The following TMOD4 variants were observed in gnomAD, a reference collection of about 807,000 sequenced individuals.
The protein encoded by TMOD4 is tropomodulin-4.
In TMOD4, 34 loss-of-function variants were observed where a neutral mutation model predicts 45.4. That is an observed-to-expected ratio of 0.75 (90% confidence interval 0.57 to 1.00). TMOD4 has a LOEUF of 1.00. Among genes scored for constraint, TMOD4 ranks in the 50% least tolerant of loss-of-function variants. The pLI, the probability that TMOD4 is intolerant of heterozygous loss-of-function variation, is 0.00. For missense variants in TMOD4, 399 were observed against 437.5 expected, an observed-to-expected ratio of 0.91 and a Z score of 0.78; for synonymous variants, 131 against 153.9, an observed-to-expected ratio of 0.85 and a Z score of 1.10.
intron 3 of TMOD4, 67 bp downstream of exon 3, chr1:151,174,324 T>G: frequency 6.5e-7 from 1 of 1,546,248 alleles, no homozygotes; most frequent in Non-Finnish European, 8.8e-7. Context: ...GAAACTGGAG[T>G]GGGGACGAGT....
At chr1:151,172,471 C>A in intron 4 of TMOD4, 114 bp from the exon 5 acceptor site, 1 of 801,778 alleles carries the variant, frequency 1.2e-6, no homozygotes, top group Non-Finnish European at 2.0e-6. Flanking sequence ...TTACACTTTG[C>A]CAAAGAAGTT....
chr1:151,174,472 C>G lies in TMOD4; in HGVS notation c.199G>C (p.Ala67Pro). The part of the protein sequence containing the change: ...KSPTGPLDRE[A>P]LLQYLEQQAL... ...TGTTGCTCCAAGTACTGCAAAAGGG[C>G]CTCTCGGTCCAGTGGCCCCGTTGGG... Residue 67 changes from alanine (A) to proline (P), a missense_variant, in exon 3 of 10, where the codon GCC becomes CCC. Physicochemically the swap from Ala to Pro is conservative, Grantham distance 27. Coordinates refer to ENST00000295314, the MANE Select transcript of TMOD4 (RefSeq NM_013353.3). The G allele has an allele frequency of 6.2e-7, 1 of 1,614,202 alleles. No homozygotes were observed. The highest frequency in any genetic ancestry group is 8.5e-7 in the Non-Finnish European group (1 of 1,180,034).
rs1264998991 is a variant in TMOD4 at position 151,171,703 on chromosome 1, A to G, written c.548T>C (p.Ile183Thr). The G allele has an allele frequency of 6.2e-7, 1 of 1,613,796 alleles. No individual in the cohort carries two copies. Among genetic ancestry groups the G allele is most frequent in the Non-Finnish European group, 8.5e-7 (1 of 1,179,960 alleles). The stretch of plus-strand genomic sequence containing the variant: ...TCGGACCCTCTTTAGTATCTCCTCA[A>G]TGTTTGTGGGATTTGGGGGTTCATC... ...VPDEPPNPTNIEEILKRVRSN... is the reference protein window; with the variant it reads ...VPDEPPNPTNTEEILKRVRSN... Residue 183 changes from isoleucine to threonine, a missense_variant, in exon 6 of 10, where the codon ATT (isoleucine) becomes ACT (threonine). Physicochemically the swap from Ile to Thr is moderately conservative, Grantham distance 89. Transcript: ENST00000295314.
In TMOD4 at chr1:151,170,560, C is replaced by T. The variant is rs138628373; in HGVS notation, c.974G>A (p.Arg325Gln). 2.7e-5 allele frequency: 44 copies of T among 1,614,208 alleles called. No individual in the cohort carries two copies. Among genetic ancestry groups the T allele is most frequent in the African/African-American group, 1.2e-4 (9 of 75,058 alleles). The change falls in exon 9 of 10, where the codon CGA becomes CAA. Residue 325 changes from arginine to glutamine, a missense_variant. Coordinates refer to ENST00000295314, the MANE Select transcript of TMOD4 (RefSeq NM_013353.3). The stretch of plus-strand genomic sequence containing the variant: ...GGTCATGGCCTGGGCTGCCCGAGCT[C>T]GTGGCCCCTGCTGTGTAAAGTGGTA... The part of the protein sequence containing the change: ...FGYHFTQQGP[R>Q]ARAAQAMTRN...
chr1:151,170,723 A>G, intron 8 of TMOD4, 60 bp from the exon 9 acceptor site: 1 of 1,600,418 alleles, frequency 6.2e-7, no homozygotes, highest in Middle Eastern at 1.7e-4. Context: ...ACCATCCCAC[A>G]TCACAGACCC....
chr1:151,173,832 A>C (rs1411680411), intron 3 of TMOD4, among the ~76,000 whole-genome samples: 1 of 152,210 alleles, frequency 6.6e-6, no homozygotes, highest in Non-Finnish European at 1.5e-5. Flanking sequence ...TAATCCCAGC[A>C]CTTGGGGAGG....
chr1:151,172,560 A>G (rs1220707626), intron 4 of TMOD4, among the ~76,000 whole-genome samples: 1 of 152,164 alleles, frequency 6.6e-6, no homozygotes, highest in Non-Finnish European at 1.5e-5. Flanking sequence ...AGAAAGGGCT[A>G]AGGGAAGGTC....
chr1:151,170,418 G>T lies in TMOD4; in HGVS notation c.1015+101C>A, dbSNP rs1470831500. 7 of 1,529,652 alleles carry T rather than the reference G, an allele frequency of 4.6e-6. No individual in the cohort carries two copies. The South Asian group carries it at 6.1e-5, about 13-fold the overall frequency. The allele number at this position is 1,529,652 out of a possible 1,614,324, so 94.8% of individuals were successfully genotyped here. ...AAATTCTCATATGAATAGCTCTTTG[G>T]TAGCACCCTGGGCTGTTAGTCATTA... On this transcript the variant is annotated intron_variant, in intron 9 of 9. Coordinates refer to ENST00000295314, the MANE Select transcript of TMOD4 (RefSeq NM_013353.3).
rs587759990 is a variant in TMOD4, at chr1:151,170,502, T to C, written c.1015+17A>G. The C allele has an allele frequency of 4.1e-5, 66 of 1,614,082 alleles. 1 individual carries two copies. The East Asian group carries it at 5.6e-4, about 14-fold the overall frequency. On this transcript the variant is annotated intron_variant, in intron 9 of 9. Coordinates refer to ENST00000295314, the MANE Select transcript of TMOD4 (RefSeq NM_013353.3). Reference sequence around the variant, plus strand: ...ACTTCCCTGACCACTCCACACATCATGTCTGCAGTTACTCACGTAGTTCAT... The same window carrying C: ...ACTTCCCTGACCACTCCACACATCACGTCTGCAGTTACTCACGTAGTTCAT...
chr1:151,170,410 G>T (rs1043493127), intron 9 of TMOD4, 109 bp downstream of exon 9: 2 of 1,495,850 alleles, frequency 1.3e-6, no homozygotes, highest in Non-Finnish European at 1.8e-6. Context: ...CATATGAATA[G>T]CTCTTTGGTA....
At chr1:151,173,338 A>C (rs776830962) in intron 4 of TMOD4, among the ~76,000 whole-genome samples, 161 bp downstream of exon 4, 1 of 152,220 alleles carries the variant, frequency 6.6e-6, no homozygotes, top group South Asian at 2.1e-4. Flanking sequence ...AAATTTAAAA[A>C]TGAATAAATA....
chr1:151,171,036 G>C lies in TMOD4; in HGVS notation c.754C>G (p.Arg252Gly). The C allele has an allele frequency of 6.2e-7, 1 of 1,614,132 alleles. No individual in the cohort carries two copies. The highest frequency in any genetic ancestry group is 8.5e-7 in the Non-Finnish European group (1 of 1,180,030). The stretch of plus-strand genomic sequence containing the variant: ...TCGATGTTTAGGCTCTGGAGGCTAC[G>C]ATTCTCACGCAACATGTCAGCCACT... Reference protein sequence around the residue: ...NAVADMLRENRSLQSLNIESN... With the variant: ...NAVADMLRENGSLQSLNIESN... The change falls in exon 8 of 10, where the codon CGT becomes GGT. Residue 252 changes from arginine to glycine, a missense_variant. Coordinates refer to ENST00000295314, the MANE Select transcript of TMOD4 (RefSeq NM_013353.3).
rs754831862 is a variant in TMOD4, at chr1:151,174,878, T to C, written c.-3A>G. On this transcript the variant is annotated 5_prime_UTR_variant, in exon 2 of 10. Coordinates refer to ENST00000295314, the MANE Select transcript of TMOD4 (RefSeq NM_013353.3). The stretch of plus-strand genomic sequence containing the variant: ...AGTTCCTTCTGATATGATGACATGG[T>C]GGCCCCCACCCCCTCCCCACTGTGT... The C allele has an allele frequency of 1.9e-6, 3 of 1,614,138 alleles. No homozygotes were observed. In the South Asian group the frequency reaches 3.3e-5, roughly 18 times the overall value.
Position 151,171,418 on chromosome 1 carries a change from G to A in TMOD4, c.726+15C>T, listed in dbSNP as rs1158897680. 4 of 1,607,626 alleles carry A rather than the reference G, an allele frequency of 2.5e-6. No individual in the cohort carries two copies. The highest frequency in any genetic ancestry group is 2.2e-5 in the East Asian group (1 of 44,856). ...AAGATGTGGGGAGAGGGCTGGGGAT[G>A]TCAACTAGCCTTACATTGGCAATGG... On this transcript the variant is annotated intron_variant, in intron 7 of 9. Coordinates refer to ENST00000295314, the MANE Select transcript of TMOD4 (RefSeq NM_013353.3).
Position 151,170,619 on chromosome 1 carries a change from C to T in TMOD4, c.915G>A (p.Val305=). 1 of 1,614,178 alleles carries T rather than the reference C, an allele frequency of 6.2e-7. No individual in the cohort carries two copies. Among genetic ancestry groups the T allele is most frequent in the South Asian group, 1.1e-5 (1 of 91,092 alleles). The stretch of plus-strand genomic sequence containing the variant: ...GGACAATAGAGGGACACTGCTCTAG[C>T]ACGGTGGCCATCTCCATCTCCACTG... ...GDAVEMEMAT[V]LEQCPSIVRF... is the part of the protein sequence containing the mutation. The change falls in exon 9 of 10, where the codon GTG becomes GTA. Residue 305 remains valine (V), a synonymous_variant. Transcript: ENST00000295314.
At chr1:151,170,436 A>T (rs1389487616) in intron 9 of TMOD4, 83 bp downstream of exon 9, 1 of 1,574,468 alleles carries the variant, frequency 6.4e-7, no homozygotes, top group East Asian at 2.2e-5. Context: ...CTGGGCTGTT[A>T]GTCATTAGGT....
intron 4 of TMOD4, among the ~76,000 whole-genome samples, chr1:151,172,946 C>T (rs766204421): frequency 1.3e-5 from 2 of 152,126 alleles, no homozygotes; most frequent in Admixed American, 6.5e-5. Context: ...CTCAGCCTCC[C>T]GAGTAGCTGG....
rs1558210558 is a variant in TMOD4 at position 151,174,865 on chromosome 1, T to C, written c.11A>G (p.Tyr4Cys). 7 of 1,614,228 alleles carry C rather than the reference T, an allele frequency of 4.3e-6. No homozygotes were observed. The highest frequency in any genetic ancestry group is 5.1e-6 in the Non-Finnish European group (6 of 1,180,040). Residue 4 changes from tyrosine (Y) to cysteine (C), a missense_variant, in exon 2 of 10, where the codon TAT becomes TGT. By Grantham distance (194) the Tyr-to-Cys change is radical. Coordinates refer to ENST00000295314, the MANE Select transcript of TMOD4 (RefSeq NM_013353.3). MSS[Y>C]QKELEKYRDI... ...TCTGTATTTCTCCAGTTCCTTCTGATATGATGACATGGTGGCCCCCACCCC... is the reference window on the plus strand; with the variant it reads ...TCTGTATTTCTCCAGTTCCTTCTGACATGATGACATGGTGGCCCCCACCCC...
intron 1 of TMOD4, 59 bp from the exon 2 acceptor site, chr1:151,174,976 A>G: frequency 7.1e-7 from 1 of 1,402,802 alleles, no homozygotes; most frequent in East Asian, 2.3e-5. Flanking sequence ...CACAGCAGGG[A>G]CACAAAGAGA....
Sources: allele counts gnomAD v4.1 joint callset (sites outside exome capture counted in the v4.1 genomes callset), GRCh38; gene constraint gnomAD v4.1.1; transcripts MANE v1.5; gene names NCBI Gene and HGNC (gene_info 2026-07-23, HGNC 2026-07-21).